COL4A3: variants seen among roughly 807,000 people sequenced by gnomAD.
The protein encoded by COL4A3 is collagen type IV alpha 3 chain, also known as collagen alpha-3(IV) chain.
Under a neutral mutation model 217.4 loss-of-function variants are expected in COL4A3, and 135 were observed. The ratio of observed to expected loss-of-function variants is 0.62; its 90% confidence interval spans 0.54 to 0.72. The LOEUF is 0.72. Ranked by LOEUF, COL4A3 falls within the 30% of genes least tolerant of loss-of-function variation. The pLI, the probability that COL4A3 is intolerant of heterozygous loss-of-function variation, is 0.00. For synonymous variants in COL4A3, 690 were observed against 736.3 expected (o/e 0.94, Z 1.02); for missense variants, 1,868 against 2,119.9 (o/e 0.88, Z 2.33).
At chr2:227,285,400 G>A (rs978745810) in intron 34 of COL4A3, among the ~76,000 whole-genome samples, 1 of 151,344 alleles carries the variant, frequency 6.6e-6, no homozygotes, top group Non-Finnish European at 1.5e-5. Context: ...ATCTAACCTG[G>A]TGTTGAAGAG....
rs1393914926 is a variant in COL4A3 at position 227,175,353 on chromosome 2, C to A, written c.87+10540C>A. Among the ~76,000 whole-genome samples the A allele has an allele frequency of 3.9e-5, 6 of 152,034 alleles. No homozygotes were observed. The East Asian group carries it at 1.2e-3, about 29-fold the overall frequency. ...GGGCATGGCAGCAGGCACCTGTAAC[C>A]CTAGCTACTCAGAAGGCCAGGGCAG... On this transcript the variant is annotated intron_variant, in intron 1 of 51. Transcript: ENST00000396578.
chr2:227,281,034 C>T, intron 31 of COL4A3, 28 bp downstream of exon 31: 1 of 1,413,406 alleles, frequency 7.1e-7, no homozygotes, highest in Non-Finnish European at 9.8e-7. Flanking sequence ...AAACTGGCCA[C>T]CAGAAGGGCA....
At chr2:227,186,008 T>C (rs1246270730) in intron 1 of COL4A3, among the ~76,000 whole-genome samples, 1 of 152,212 alleles carries the variant, frequency 6.6e-6, no homozygotes, top group Non-Finnish European at 1.5e-5. Flanking sequence ...GTCCAGATAA[T>C]GAAGGAGTCA....
chr2:227,169,089 G>A (rs1177095648), intron 1 of COL4A3: 1 of 140,176 alleles, frequency 7.1e-6, no homozygotes, highest in East Asian at 2.1e-4. Flanking sequence ...CCCTTCCTGT[G>A]TCCATGTGTT....
Position 227,279,829 on chromosome 2 carries a change from G to A in COL4A3, c.2162G>A (p.Gly721Asp), listed in dbSNP as rs1464399784. ...TTTCCAGGTACAAAAGGATCACTGG[G>A]TTGTCCTGGAAAAATGGGAGAGCCT... ...QGFPGTKGSL[G>D]CPGKMGEPGL... Residue 721 changes from glycine (G) to aspartate (D), a missense_variant, in exon 29 of 52, where the codon GGT becomes GAT. Transcript: ENST00000396578. The A allele has an allele frequency of 6.2e-7, 1 of 1,610,706 alleles. No individual in the cohort carries two copies. Among genetic ancestry groups the A allele is most frequent in the Non-Finnish European group, 8.5e-7 (1 of 1,178,768 alleles).
At chr2:227,183,883 C>T (rs2065933321) in intron 1 of COL4A3, among the ~76,000 whole-genome samples, 1 of 152,170 alleles carries the variant, frequency 6.6e-6, no homozygotes, top group African/African-American at 2.4e-5. Flanking sequence ...GGTTATTCAT[C>T]CTGACAGCAG....
intron 1 of COL4A3, among the ~76,000 whole-genome samples, chr2:227,185,635 G>A (rs576521777): frequency 2.6e-4 from 39 of 152,326 alleles, no homozygotes; most frequent in African/African-American, 9.1e-4. Flanking sequence ...GCTATTTGGT[G>A]TAATTATAAT....
chr2:227,266,633 A>G (rs1200091321), intron 22 of COL4A3, 124 bp downstream of exon 22: 3 of 778,610 alleles, frequency 3.9e-6, no homozygotes, highest in Admixed American at 4.1e-5. Flanking sequence ...CTTATTTTCC[A>G]TTAGCTAAAA....
Position 227,307,867 on chromosome 2 carries a change from G to T in COL4A3, c.4410G>T (p.Gly1470=). The T allele has an allele frequency of 6.2e-7, 1 of 1,614,114 alleles. No individual in the cohort carries two copies. The highest frequency in any genetic ancestry group is 8.5e-7 in the Non-Finnish European group (1 of 1,180,016). ...CPEGTVPLYS[G]FSFLFVQGNQ... is the part of the protein sequence containing the mutation. ...AGGGGACAGTGCCACTCTACAGTGGGTTTTCTTTTCTTTTTGTACAAGGAA... is the reference window on the plus strand; with the variant it reads ...AGGGGACAGTGCCACTCTACAGTGGTTTTTCTTTTCTTTTTGTACAAGGAA... Residue 1470 remains glycine (G), a synonymous_variant, in exon 48 of 52, where the codon GGG becomes GGT. Transcript: ENST00000396578.
intron 1 of COL4A3, among the ~76,000 whole-genome samples, chr2:227,195,661 A>ATGTG (rs1186427522): frequency 9.7e-5 from 8 of 82,242 alleles, no homozygotes; most frequent in South Asian, 9.0e-4. Context: ...CCACATATAT[A>ATGTG]TATATATGTG....
chr2:227,234,384 T>C (rs2068575969), intron 1 of COL4A3, among the ~76,000 whole-genome samples: 1 of 152,244 alleles, frequency 6.6e-6, no homozygotes, highest in African/African-American at 2.4e-5. Context: ...AATTTTAACG[T>C]GTGTTAAAAT....
chr2:227,233,324 T>G (rs567327040), intron 1 of COL4A3, among the ~76,000 whole-genome samples: 1 of 117,544 alleles, frequency 8.5e-6, no homozygotes, highest in Admixed American at 9.5e-5. Flanking sequence ...CTACAAGCAA[T>G]TGGCCTGTTA....
intron 1 of COL4A3, among the ~76,000 whole-genome samples, chr2:227,234,622 G>C (rs1172999838): frequency 1.3e-5 from 2 of 152,150 alleles, no homozygotes; most frequent in Admixed American, 6.5e-5. Context: ...GACTATGACT[G>C]CACAATTCCT....
In COL4A3 at chr2:227,270,810, A is replaced by G; in HGVS notation, c.1616A>G (p.Glu539Gly). Residue 539 changes from glutamate (E) to glycine (G), a missense_variant, in exon 25 of 52, where the codon GAA becomes GGA. This residue lies in a region of COL4A3 where 1,503 missense variants were observed against 1,786.1 expected (regional missense o/e 0.84). Coordinates refer to ENST00000396578, the MANE Select transcript of COL4A3 (RefSeq NM_000091.5). ...GAQGDPGLKG[E>G]KGETLQPEGQ... Reference sequence around the variant, plus strand: ...CAGGGTGACCCAGGACTTAAAGGAGAAAAAGGTGAAACACTTCAGCCTGAG... The same window carrying G: ...CAGGGTGACCCAGGACTTAAAGGAGGAAAAGGTGAAACACTTCAGCCTGAG... 6.2e-7 allele frequency: 1 copy of G among 1,614,028 alleles called. No homozygotes were observed. Among genetic ancestry groups the G allele is most frequent in the Admixed American group, 1.7e-5 (1 of 60,020 alleles).
At chr2:227,204,129 A>G (rs2067005731) in intron 1 of COL4A3, among the ~76,000 whole-genome samples, 1 of 152,164 alleles carries the variant, frequency 6.6e-6, no homozygotes, top group Non-Finnish European at 1.5e-5. Context: ...AATTACCTGG[A>G]TTCAACTCCA....
chr2:227,272,932 C>T lies in COL4A3; in HGVS notation c.1759-17C>T. The T allele has an allele frequency of 1.9e-6, 3 of 1,613,486 alleles. No homozygotes were observed. Among genetic ancestry groups the T allele is most frequent in the Non-Finnish European group, 2.5e-6 (3 of 1,179,484 alleles). On this transcript the variant is annotated splice_polypyrimidine_tract_variant and intron_variant, in intron 25 of 51. Transcript: ENST00000396578. ...ACTGGAATGAAGCACGATTCAAACA[C>T]ATTCCTGTTGTCACAGGCTCTGAGT... is the stretch of plus-strand genomic sequence containing the variant.
At chr2:227,195,523 G>T (rs2066431213) in intron 1 of COL4A3, among the ~76,000 whole-genome samples, 1 of 152,126 alleles carries the variant, frequency 6.6e-6, no homozygotes, top group South Asian at 2.1e-4. Context: ...CAAAGCTACT[G>T]CACTGCCAGT....
At position 227,248,486 on chromosome 2, in the gene COL4A3, GC is replaced by G. The variant is rs1244669087; in HGVS notation, c.513del (p.Asp172ThrfsTer51). 6.2e-7 allele frequency: 1 copy of G among 1,613,334 alleles called. No homozygotes were observed. The highest frequency in any genetic ancestry group is 2.2e-5 in the East Asian group (1 of 44,860). On this transcript the variant is annotated frameshift_variant, in exon 9 of 52. Transcript: ENST00000396578. LOFTEE classifies it high-confidence loss of function. ...GAAGATATAGAACTTGATGCAAAAG[GC>G]GACCCCGGGTTGCCAGGGGCTCCAG... ...KEEDIELDAKGDPGLPGAPGP... is the reference protein window; with the variant it reads ...KEEDIELDAKXDPGLPGAPGP...
chr2:227,166,377 A>G (rs1260617651), intron 1 of COL4A3, among the ~76,000 whole-genome samples: 5 of 149,688 alleles, frequency 3.3e-5, no homozygotes, highest in Non-Finnish European at 7.4e-5. Flanking sequence ...ATCCTAAAGG[A>G]AATGTGTGTT....
Sources: gnomAD v4.1 joint callset for allele counts (sites outside exome capture counted in the v4.1 genomes callset) on GRCh38, gnomAD v4.1.1 for gene constraint, gnomAD v4.1.1 regional missense constraint, MANE v1.5 for transcripts, NCBI Gene and HGNC (gene_info 2026-07-23, HGNC 2026-07-21) for gene names.